CDH6: variants seen among roughly 807,000 people sequenced by gnomAD.
CDH6 encodes the protein cadherin-6.
Under a neutral mutation model 78.0 loss-of-function variants are expected in CDH6, and 31 were observed. The ratio of observed to expected loss-of-function variants is 0.40; its 90% confidence interval spans 0.30 to 0.54. The LOEUF (loss-of-function observed/expected upper bound fraction) is 0.54, where lower values mean the gene tolerates loss of function less well. CDH6 is among the 20% of genes least tolerant of loss of function. CDH6 has a pLI of 0.56. For missense variants in CDH6, 724 were observed against 975.9 expected (o/e 0.74, Z 3.44); for synonymous variants, 376 against 368.8 (o/e 1.02, Z -0.23).
At chr5:31,200,020 C>T (rs1352701720) in intron 1 of CDH6, among the ~76,000 whole-genome samples, 2 of 151,976 alleles carry the variant, frequency 1.3e-5, no homozygotes, top group Admixed American at 1.3e-4. Context: ...AAAAGTGTGA[C>T]TCTCTCTGAG....
intron 1 of CDH6, among the ~76,000 whole-genome samples, chr5:31,197,880 G>A (rs987541116): frequency 6.6e-6 from 1 of 151,968 alleles, no homozygotes; most frequent in African/African-American, 2.4e-5. Context: ...AAGATTAACT[G>A]GTCTACTTTT....
intron 2 of CDH6, among the ~76,000 whole-genome samples, chr5:31,280,098 T>C (rs1425268633): frequency 6.6e-6 from 1 of 152,064 alleles, no homozygotes; most frequent in Non-Finnish European, 1.5e-5. Context: ...GCCATTGAAA[T>C]CTTGACTGCC....
At position 31,199,685 on chromosome 5, in the gene CDH6, G is replaced by GTATATATATATA. The variant is rs1554035032; in HGVS notation, c.-129+5819_-129+5830dup. ...TGTGTGTGTATGTGTGTGTGTGTGT[G>GTATATATATATA]TATATATATATATATATATATATAT... On this transcript the variant is annotated intron_variant, in intron 1 of 11. Coordinates refer to ENST00000265071, the MANE Select transcript of CDH6 (RefSeq NM_004932.4). 9.2e-3 allele frequency among the ~76,000 whole-genome samples: 732 copies of GTATATATATATA among 79,734 alleles called. 16 individuals are homozygous for GTATATATATATA. Among genetic ancestry groups the GTATATATATATA allele is most frequent in the East Asian group, 0.064 (134 of 2,082 alleles). The allele number at this position is 79,734 out of a possible 152,430, so 52.3% of individuals were successfully genotyped here.
chr5:31,262,930 C>T (rs1300027604), intron 1 of CDH6, among the ~76,000 whole-genome samples: 1 of 152,124 alleles, frequency 6.6e-6, no homozygotes, highest in Non-Finnish European at 1.5e-5. Context: ...TTTGCTTGAA[C>T]GTATGACCGT....
chr5:31,199,379 A>G lies in CDH6; in HGVS notation c.-129+5493A>G, dbSNP rs146648319. Among the ~76,000 whole-genome samples, 393 of 149,692 alleles carry G rather than the reference A, an allele frequency of 2.6e-3. 3 individuals carry two copies. In the Middle Eastern group the frequency reaches 0.036, roughly 14 times the overall value. On this transcript the variant is annotated intron_variant, in intron 1 of 11. Transcript: ENST00000265071. ...TATATGATGTATATATATGATATAT[A>G]TGGTGTATATATGTATATATGTACT...
intron 1 of CDH6, among the ~76,000 whole-genome samples, chr5:31,217,540 A>G (rs1177853525): frequency 6.6e-6 from 1 of 152,090 alleles, no homozygotes; most frequent in Non-Finnish European, 1.5e-5. Context: ...TGATTCAATC[A>G]ATCAGTTATT....
intron 1 of CDH6, among the ~76,000 whole-genome samples, chr5:31,197,768 T>C (rs568174621): frequency 3.4e-4 from 52 of 152,318 alleles, no homozygotes; most frequent in Non-Finnish European, 6.3e-4. Context: ...TTCATGTTGT[T>C]TTCTCCCTTG....
intron 1 of CDH6, among the ~76,000 whole-genome samples, chr5:31,234,332 T>C (rs1741395319): frequency 1.3e-5 from 2 of 152,190 alleles, no homozygotes; most frequent in African/African-American, 4.8e-5. Flanking sequence ...CTTAAAAGAC[T>C]TTTTCTGGTT....
chr5:31,244,519 GA>G (rs1377841778), intron 1 of CDH6, among the ~76,000 whole-genome samples: 1 of 152,224 alleles, frequency 6.6e-6, no homozygotes, highest in Non-Finnish European at 1.5e-5. Flanking sequence ...GCTCATGCTG[GA>G]GAGAGGGAAA....
chr5:31,291,115 A>G (rs1340590118), intron 2 of CDH6, among the ~76,000 whole-genome samples: 2 of 152,172 alleles, frequency 1.3e-5, no homozygotes, highest in Non-Finnish European at 2.9e-5. Context: ...CCGATGAAAG[A>G]ACTAGTGGAG....
chr5:31,252,971 C>T (rs906291412), intron 1 of CDH6, among the ~76,000 whole-genome samples: 4 of 152,222 alleles, frequency 2.6e-5, no homozygotes, highest in South Asian at 2.1e-4. Context: ...TGTTAGTCTG[C>T]TCAAGCTGTT....
intron 1 of CDH6, among the ~76,000 whole-genome samples, chr5:31,219,369 C>T (rs1740948731): frequency 1.3e-5 from 2 of 152,114 alleles, no homozygotes; most frequent in East Asian, 3.9e-4. Flanking sequence ...ACACACATCA[C>T]ATCCTGTAGG....
At chr5:31,200,648 G>C (rs1447537900) in intron 1 of CDH6, among the ~76,000 whole-genome samples, 1 of 149,660 alleles carries the variant, frequency 6.7e-6, no homozygotes, top group East Asian at 2.0e-4. Flanking sequence ...CAAAAGCAAG[G>C]AAAGAAAGAG....
chr5:31,254,847 C>G (rs751092089), intron 1 of CDH6, among the ~76,000 whole-genome samples: 9 of 152,124 alleles, frequency 5.9e-5, no homozygotes, highest in Non-Finnish European at 1.2e-4. Context: ...TCATTCACTG[C>G]TTTCCAATAT....
chr5:31,257,422 C>T (rs1279410805), intron 1 of CDH6, among the ~76,000 whole-genome samples: 1 of 152,214 alleles, frequency 6.6e-6, no homozygotes, highest in Admixed American at 6.5e-5. Context: ...CTCAGCCTCC[C>T]AAAGTGCTAG....
chr5:31,314,147 C>T (rs573110843), intron 8 of CDH6, among the ~76,000 whole-genome samples: 165 of 152,128 alleles, frequency 1.1e-3, no homozygotes, highest in African/African-American at 3.7e-3. Flanking sequence ...GAAAAATGAT[C>T]TTTTTTTAAT....
intron 1 of CDH6, among the ~76,000 whole-genome samples, chr5:31,239,735 G>A (rs72635212): frequency 1.3e-5 from 2 of 152,084 alleles, no homozygotes; most frequent in African/African-American, 4.8e-5. Flanking sequence ...ACAAGGCAAA[G>A]GCATAGCATT....
intron 1 of CDH6, among the ~76,000 whole-genome samples, chr5:31,199,419 T>C (rs1740260559): frequency 6.9e-6 from 1 of 145,066 alleles, no homozygotes; most frequent in East Asian, 2.5e-4. Flanking sequence ...ATGGTGTATA[T>C]ATGTACACAC....
rs1015321723 is a variant in CDH6, at chr5:31,328,852, G to A, written c.*5544G>A. 9.1e-6 allele frequency: 2 copies of A among 219,312 alleles called. No homozygotes were observed. The highest frequency in any genetic ancestry group is 1.8e-5 in the Non-Finnish European group (2 of 109,370). The allele number at this position is 219,312 out of a possible 1,614,324, so 13.6% of individuals were successfully genotyped here. On this transcript the variant is annotated 3_prime_UTR_variant, in exon 12 of 12. Coordinates refer to ENST00000265071, the MANE Select transcript of CDH6 (RefSeq NM_004932.4). The stretch of plus-strand genomic sequence containing the variant: ...CAGTTCCCATCAACATTTCTAGTTA[G>A]GGGGATTCTCATAACCCCACAGTTT...
Sources: allele counts gnomAD v4.1 joint callset (sites outside exome capture counted in the v4.1 genomes callset), GRCh38; gene constraint gnomAD v4.1.1; transcripts MANE v1.5; gene names NCBI Gene and HGNC (gene_info 2026-07-23, HGNC 2026-07-21).